LAMA2: variants seen among roughly 807,000 people sequenced by gnomAD.
LAMA2 encodes laminin subunit alpha-2.
Under a neutral mutation model 364.8 loss-of-function variants are expected in LAMA2, and 269 were observed. The ratio of observed to expected loss-of-function variants is 0.74; its 90% confidence interval spans 0.67 to 0.82. The LOEUF is 0.82. LAMA2 is among the 40% of genes least tolerant of loss of function. The pLI is 0.00. For missense variants in LAMA2, 3,807 were observed against 3,873.2 expected, an observed-to-expected ratio of 0.98 and a Z score of 0.45; for synonymous variants, 1,379 against 1,370.6, an observed-to-expected ratio of 1.01 and a Z score of -0.14.
intron 1 of LAMA2, chr6:128,929,622 G>T: frequency 7.2e-7 from 1 of 1,390,390 alleles, no homozygotes; most frequent in South Asian, 1.2e-5. Flanking sequence ...CCACGATGCT[G>T]ACCTGCTCAA....
chr6:129,264,904 G>T (rs879387099), intron 15 of LAMA2, among the ~76,000 whole-genome samples: 3 of 152,000 alleles, frequency 2.0e-5, no homozygotes, highest in African/African-American at 7.2e-5. Flanking sequence ...AAGAGGTGAG[G>T]AATATAATAC....
Position 129,059,908 on chromosome 6 carries a change from C to CT in LAMA2, c.396+19dup, listed in dbSNP as rs766668370. On this transcript the variant is annotated intron_variant, in intron 3 of 64. Coordinates refer to ENST00000421865, the MANE Select transcript of LAMA2 (RefSeq NM_000426.4). The stretch of plus-strand genomic sequence containing the variant: ...TGGATTTACAGCAGGTATAGTTCCT[C>CT]TTTTTTTGTCATTTCCACTTTTGAA... The CT allele has an allele frequency of 5.0e-6, 7 of 1,407,518 alleles. No individual in the cohort carries two copies. Among genetic ancestry groups the CT allele is most frequent in the Admixed American group, 3.4e-5 (2 of 59,690 alleles). The allele number at this position is 1,407,518 out of a possible 1,614,324, so 87.2% of individuals were successfully genotyped here.
At position 129,310,023 on chromosome 6, in the gene LAMA2, C is replaced by T. The variant is rs550112911; in HGVS notation, c.3175-2838C>T. Among the ~76,000 whole-genome samples, 25 of 150,746 alleles carry T rather than the reference C, an allele frequency of 1.7e-4. No individual in the cohort carries two copies. The South Asian group carries it at 5.3e-3, about 32-fold the overall frequency. On this transcript the variant is annotated intron_variant, in intron 22 of 64. Transcript: ENST00000421865. ...CACGCCATTCTCCTGCCTCAGCCTC[C>T]CGAGTAGCTGGGACTACAGGCGCCC...
intron 1 of LAMA2, among the ~76,000 whole-genome samples, chr6:128,953,481 TG>T (rs1780961151): frequency 1.3e-5 from 2 of 152,048 alleles, no homozygotes; most frequent in African/African-American, 4.8e-5. Context: ...TAATAATTGG[TG>T]GGCTGTGTGG....
At chr6:129,357,377 C>A (rs776858623) in intron 32 of LAMA2, among the ~76,000 whole-genome samples, 54 of 152,000 alleles carry the variant, frequency 3.6e-4, no homozygotes, top group Non-Finnish European at 6.8e-4. Context: ...GATATTACTT[C>A]ATAAAAATTG....
intron 51 of LAMA2, among the ~76,000 whole-genome samples, chr6:129,471,241 T>G (rs1783795322): frequency 6.6e-6 from 1 of 151,868 alleles, no homozygotes; most frequent in South Asian, 2.1e-4. Context: ...GCATTAGCAT[T>G]TACTAGCATT....
At chr6:128,970,703 T>C (rs748582590) in intron 1 of LAMA2, among the ~76,000 whole-genome samples, 15 of 152,348 alleles carry the variant, frequency 9.8e-5, no homozygotes, top group Non-Finnish European at 1.5e-4. Flanking sequence ...AGTTCCCTTG[T>C]CAGGAAGCTT....
At chr6:128,915,670 T>C (rs1204228394) in intron 1 of LAMA2, among the ~76,000 whole-genome samples, 2 of 152,308 alleles carry the variant, frequency 1.3e-5, no homozygotes, top group South Asian at 2.1e-4. Context: ...CTACACTCGA[T>C]GGGAGTATTA....
At chr6:129,431,503 G>A (rs559087304) in intron 41 of LAMA2, among the ~76,000 whole-genome samples, 3 of 152,002 alleles carry the variant, frequency 2.0e-5, no homozygotes, top group Middle Eastern at 6.8e-3. Flanking sequence ...TAAAGGAGGC[G>A]GTTTGTCTCA....
chr6:129,465,279 T>C lies in LAMA2; in HGVS notation c.7290T>C (p.Ile2430=). ...GKWKSFTLSR[I]QKQANISIVD... is the part of the protein sequence containing the mutation. Reference sequence around the variant, plus strand: ...GGAAATCATTCACTCTGTCAAGAATTCAAAAACAAGGTGAGTTTTTACAGT... The same window carrying C: ...GGAAATCATTCACTCTGTCAAGAATCCAAAAACAAGGTGAGTTTTTACAGT... The change falls in exon 51 of 65, where the codon ATT becomes ATC. Residue 2430 remains isoleucine, a synonymous_variant. Transcript: ENST00000421865. 6.2e-7 allele frequency: 1 copy of C among 1,611,022 alleles called. No individual in the cohort carries two copies. The highest frequency in any genetic ancestry group is 1.1e-5 in the South Asian group (1 of 91,038).
chr6:129,356,838 A>G (rs972683364), intron 32 of LAMA2, among the ~76,000 whole-genome samples: 5 of 152,122 alleles, frequency 3.3e-5, no homozygotes, highest in Non-Finnish European at 5.9e-5. Context: ...CTCCTCTAAG[A>G]TTTAAAACAT....
chr6:129,277,008 T>C (rs1196223423), intron 17 of LAMA2, among the ~76,000 whole-genome samples: 2 of 152,130 alleles, frequency 1.3e-5, no homozygotes, highest in African/African-American at 2.4e-5. Flanking sequence ...AATAAAAGTA[T>C]ATATTCAGCC....
chr6:129,199,973 G>A (rs1782085382), intron 12 of LAMA2, among the ~76,000 whole-genome samples: 1 of 151,746 alleles, frequency 6.6e-6, no homozygotes, highest in Admixed American at 6.6e-5. Flanking sequence ...CAGCTACTCG[G>A]GAGGCTGATG....
chr6:129,362,932 C>A (rs1777549147), intron 32 of LAMA2, among the ~76,000 whole-genome samples: 1 of 152,182 alleles, frequency 6.6e-6, no homozygotes, highest in Non-Finnish European at 1.5e-5. Context: ...TCTTCCAAAT[C>A]CTTGCTCCCT....
intron 58 of LAMA2, among the ~76,000 whole-genome samples, chr6:129,499,058 G>A (rs1473166587): frequency 6.6e-6 from 1 of 151,972 alleles, no homozygotes; most frequent in African/African-American, 2.4e-5. Context: ...TAATCAACAG[G>A]TGCACCACCA....
intron 4 of LAMA2, among the ~76,000 whole-genome samples, chr6:129,124,528 G>A (rs1776998957): frequency 6.6e-6 from 1 of 152,174 alleles, no homozygotes; most frequent in Admixed American, 6.5e-5. Context: ...TAGAGCCCAG[G>A]CAACTGGCAC....
At chr6:129,373,974 TC>T (rs1453533349) in intron 34 of LAMA2, among the ~76,000 whole-genome samples, 6 of 152,180 alleles carry the variant, frequency 3.9e-5, no homozygotes, top group African/African-American at 1.4e-4. Flanking sequence ...TGCCCATTCT[TC>T]AGATTCAGTA....
chr6:129,470,272 T>G (rs1022002048), intron 51 of LAMA2, among the ~76,000 whole-genome samples: 8 of 151,826 alleles, frequency 5.3e-5, no homozygotes, highest in Non-Finnish European at 1.2e-4. Flanking sequence ...AATACAGATT[T>G]GGGAGTTAGA....
intron 1 of LAMA2, among the ~76,000 whole-genome samples, chr6:128,977,205 C>G (rs1782583197): frequency 2.0e-5 from 3 of 151,234 alleles, no homozygotes; most frequent in Admixed American, 2.0e-4. Context: ...CGTTCCTCCC[C>G]CTCTCTGTTT....
Sources: allele counts gnomAD v4.1 joint callset (sites outside exome capture counted in the v4.1 genomes callset), GRCh38; gene constraint gnomAD v4.1.1; transcripts MANE v1.5; gene names NCBI Gene and HGNC (gene_info 2026-07-23, HGNC 2026-07-21).